The following MID1 variants were observed in gnomAD, a reference collection of about 807,000 sequenced individuals.
MID1 encodes midline 1, also known as E3 ubiquitin-protein ligase Midline-1.
MID1 carries 7 observed loss-of-function variants against 40.4 expected under a neutral mutation model. That is an observed-to-expected ratio of 0.17 (90% CI 0.10 to 0.33). The LOEUF (loss-of-function observed/expected upper bound fraction) is 0.33. MID1 is among the 10% of genes least tolerant of loss of function. The pLI is 1.00. For synonymous variants in MID1, 229 were observed against 221.2 expected (o/e 1.04, Z -0.31); for missense variants, 367 against 558.5 (o/e 0.66, Z 3.46).
At chrX:10,830,047 TCA>T (rs1203063735) in intron 1 of MID1, among the ~76,000 whole-genome samples, 2 of 112,252 alleles carry the variant, frequency 1.8e-5, no homozygotes, top group Non-Finnish European at 3.8e-5. Context: ...CATCCAACTC[TCA>T]GTTATTTATA....
intron 2 of MID1, among the ~76,000 whole-genome samples, chrX:10,533,093 A>C (rs185000734): frequency 1.8e-5 from 2 of 109,515 alleles, no homozygotes; most frequent in African/African-American, 6.6e-5. Context: ...TTTTTAAATA[A>C]TTTTTTTTAA....
intron 1 of MID1, among the ~76,000 whole-genome samples, chrX:10,823,301 C>T (rs201277637): frequency 6.3e-5 from 7 of 110,606 alleles, no homozygotes; most frequent in African/African-American, 1.6e-4. Flanking sequence ...TATGGGGGAA[C>T]GACACACACT....
At chrX:10,456,542 C>A (rs943431754) in intron 8 of MID1, among the ~76,000 whole-genome samples, 2 of 112,522 alleles carry the variant, frequency 1.8e-5, no homozygotes, top group African/African-American at 3.2e-5. Flanking sequence ...CTGTACATAT[C>A]AAAGAAAAGC....
At chrX:10,744,978 C>G (rs1193911797) in intron 1 of MID1, among the ~76,000 whole-genome samples, 1 of 112,025 alleles carries the variant, frequency 8.9e-6, no homozygotes, top group Non-Finnish European at 1.9e-5. Context: ...CACTTTTTTC[C>G]CAGTGATGAA....
chrX:10,558,671 G>A (rs1934218221), intron 2 of MID1, among the ~76,000 whole-genome samples: 1 of 112,978 alleles, frequency 8.9e-6, no homozygotes, highest in Non-Finnish European at 1.9e-5. Flanking sequence ...CAGTCGTTCT[G>A]ACATGTGTTG....
chrX:10,606,048 T>C (rs764549048), intron 1 of MID1, among the ~76,000 whole-genome samples: 1 of 111,702 alleles, frequency 9.0e-6, no homozygotes, highest in Non-Finnish European at 1.9e-5. Context: ...ATAACTACTA[T>C]CCAAATCTTC....
At chrX:10,592,623 C>CAT (rs1299741018) in intron 1 of MID1, among the ~76,000 whole-genome samples, 54 of 110,184 alleles carry the variant, frequency 4.9e-4, no homozygotes, top group African/African-American at 1.6e-3. Flanking sequence ...CTTTCTTTTT[C>CAT]ATATATATAT....
intron 1 of MID1, among the ~76,000 whole-genome samples, chrX:10,592,766 T>C (rs1935334997): frequency 9.0e-6 from 1 of 111,377 alleles, no homozygotes; most frequent in East Asian, 2.8e-4. Flanking sequence ...ATGGAATTAA[T>C]TTCCATGTGG....
At chrX:10,755,738 A>T in intron 1 of MID1, among the ~76,000 whole-genome samples, 1 of 112,211 alleles carries the variant, frequency 8.9e-6, no homozygotes, top group South Asian at 3.7e-4. Flanking sequence ...TTGTGAGCAC[A>T]TCTCTTTATA....
At chrX:10,813,041 T>C (rs1466846790) in intron 1 of MID1, among the ~76,000 whole-genome samples, 4 of 111,228 alleles carry the variant, frequency 3.6e-5, no homozygotes, top group African/African-American at 6.5e-5. Flanking sequence ...ACTGAAGACA[T>C]AGTTCATCCT....
Position 10,640,084 on chromosome X carries a change from G to A in MID1, c.-186-19665C>T, listed in dbSNP as rs760660381. ...ACATGCCAAATTGTAAAGACCATCA[G>A]TGCTAGGAAGAAACTGCATCAACTA... On this transcript the variant is annotated intron_variant, in intron 1 of 10. Transcript: ENST00000380785. Among the ~76,000 whole-genome samples the A allele has an allele frequency of 1.4e-4, 16 of 111,843 alleles. No homozygotes were observed. The East Asian group carries it at 4.2e-3, about 29-fold the overall frequency.
At chrX:10,539,707 C>G (rs867556699) in intron 2 of MID1, among the ~76,000 whole-genome samples, 2 of 92,434 alleles carry the variant, frequency 2.2e-5, no homozygotes, top group African/African-American at 8.0e-5. Flanking sequence ...ACAGTTTCCT[C>G]AATAGCCAAA....
chrX:10,586,588 A>C (rs1336991626), intron 1 of MID1, among the ~76,000 whole-genome samples: 3 of 112,407 alleles, frequency 2.7e-5, no homozygotes, highest in Non-Finnish European at 5.6e-5. Flanking sequence ...TTCACAGAGC[A>C]AGCTTTGGTA....
At chrX:10,767,881 T>C (rs2043741891) in intron 1 of MID1, among the ~76,000 whole-genome samples, 1 of 112,304 alleles carries the variant, frequency 8.9e-6, no homozygotes, top group Admixed American at 9.5e-5. Flanking sequence ...TATACATATT[T>C]ATTGAATAAA....
chrX:10,488,850 C>T (rs767130207), intron 4 of MID1, among the ~76,000 whole-genome samples: 4 of 111,568 alleles, frequency 3.6e-5, no homozygotes, highest in East Asian at 2.8e-4. Flanking sequence ...TTCCTGCCCT[C>T]GAACATCGGA....
In MID1 at chrX:10,695,373, T is replaced by A. The variant is rs1156755043; in HGVS notation, c.-186-74954A>T. Among the ~76,000 whole-genome samples, 13 of 111,852 alleles carry A rather than the reference T, an allele frequency of 1.2e-4. No homozygotes were observed. In the East Asian group the frequency reaches 3.7e-3, roughly 32 times the overall value. ...AATTCCTGGGCTCAAGCGACCCACC[T>A]GCCTTGGCCTCCCAAAGTGCTGAGA... On this transcript the variant is annotated intron_variant, in intron 1 of 10. Coordinates refer to the MID1 transcript ENST00000380785.
intron 1 of MID1, among the ~76,000 whole-genome samples, chrX:10,698,421 CT>C (rs754111499): frequency 3.6e-5 from 4 of 112,232 alleles, no homozygotes; most frequent in Non-Finnish European, 5.6e-5. Context: ...CAGCTAATAT[CT>C]TATGCACAGC....
intron 2 of MID1, among the ~76,000 whole-genome samples, chrX:10,529,744 C>T (rs1932910269): frequency 9.0e-6 from 1 of 111,659 alleles, no homozygotes; most frequent in Non-Finnish European, 1.9e-5. Context: ...GAAAATTCTA[C>T]CAGCAAAAAG....
At chrX:10,634,365 A>G (rs1470746985) in intron 1 of MID1, among the ~76,000 whole-genome samples, 1 of 111,657 alleles carries the variant, frequency 9.0e-6, no homozygotes, top group African/African-American at 3.3e-5. Flanking sequence ...AAATAAGCAT[A>G]TAAGTTGTAA....
Sources: gnomAD v4.1 joint callset for allele counts (sites outside exome capture counted in the v4.1 genomes callset) on GRCh38, gnomAD v4.1.1 for gene constraint, MANE v1.5 for transcripts, NCBI Gene and HGNC (gene_info 2026-07-23, HGNC 2026-07-21) for gene names.